The following ACSS1 variants were observed in gnomAD, a reference collection of about 807,000 sequenced individuals.
The protein encoded by ACSS1 is acetyl-coenzyme A synthetase 2-like, mitochondrial.
Under a neutral mutation model 75.3 loss-of-function variants are expected in ACSS1, and 42 were observed. That is an observed-to-expected ratio of 0.56 (90% CI 0.44 to 0.72). ACSS1 has a LOEUF of 0.72. Among genes scored for constraint, ACSS1 ranks in the 30% least tolerant of loss-of-function variants. The pLI, the probability that ACSS1 is intolerant of heterozygous loss-of-function variation, is 0.00. For missense variants in ACSS1, 782 were observed against 935.7 expected (o/e 0.84, Z 2.14); for synonymous variants, 380 against 376.8 (o/e 1.01, Z -0.10).
intron 2 of ACSS1, among the ~76,000 whole-genome samples, chr20:25,040,631 T>G (rs1421117861): frequency 2.0e-5 from 3 of 152,228 alleles, no homozygotes; most frequent in African/African-American, 7.2e-5. Context: ...GTGATCATGG[T>G]GCAAATATTT....
chr20:25,056,699 T>C (rs892233711), intron 1 of ACSS1, among the ~76,000 whole-genome samples: 21 of 151,302 alleles, frequency 1.4e-4, no homozygotes, highest in Admixed American at 2.0e-4. Context: ...GAGGGAGGAG[T>C]TGGAGAAAAT....
At chr20:25,019,208 G>C (rs1317913780) in intron 7 of ACSS1, among the ~76,000 whole-genome samples, 1 of 152,232 alleles carries the variant, frequency 6.6e-6, no homozygotes, top group Non-Finnish European at 1.5e-5. Flanking sequence ...CACACGTCAA[G>C]GCAGACATGA....
intron 3 of ACSS1, among the ~76,000 whole-genome samples, chr20:25,026,260 T>C (rs933919267): frequency 2.0e-5 from 3 of 152,116 alleles, no homozygotes; most frequent in South Asian, 2.1e-4. Flanking sequence ...CTGCACATTC[T>C]TTCACCTGCT....
Position 25,012,661 on chromosome 20 carries a change from C to T in ACSS1, c.1711G>A (p.Asp571Asn), listed in dbSNP as rs1212329188. ...GTAEIEDAIA[D>N]HPAVPESAVI... is the part of the protein sequence containing the mutation. Reference sequence around the variant, plus strand: ...GCACTTTCTGGTACTGCAGGGTGGTCGGCCTGTGTACAACAGAGAACAAAA... The same window carrying T: ...GCACTTTCTGGTACTGCAGGGTGGTTGGCCTGTGTACAACAGAGAACAAAA... The change falls in exon 12 of 14, where the codon GAC (aspartate) becomes AAC (asparagine). Residue 571 changes from aspartate to asparagine, a missense_variant. This residue lies in a region of ACSS1 where 405 missense variants were observed against 552.6 expected (regional missense o/e 0.73). Coordinates refer to ENST00000323482, the MANE Select transcript of ACSS1 (RefSeq NM_032501.4). 6 of 1,613,958 alleles carry T rather than the reference C, an allele frequency of 3.7e-6. No homozygotes were observed. The highest frequency in any genetic ancestry group is 1.6e-4 in the Middle Eastern group (1 of 6,082).
At chr20:25,032,429 C>T (rs953834207) in intron 2 of ACSS1, 15 of 1,389,202 alleles carry the variant, frequency 1.1e-5, no homozygotes, top group African/African-American at 1.0e-4. Context: ...TTCCTTTCGG[C>T]GCCTCATCCC....
intron 1 of ACSS1, among the ~76,000 whole-genome samples, chr20:25,052,510 A>G (rs918407507): frequency 6.6e-6 from 1 of 152,218 alleles, no homozygotes; most frequent in Non-Finnish European, 1.5e-5. Flanking sequence ...CTGTGTCCCT[A>G]AGATTCCTTT....
intron 2 of ACSS1, among the ~76,000 whole-genome samples, chr20:25,038,337 C>A (rs1328405431): frequency 1.3e-5 from 2 of 152,180 alleles, no homozygotes; most frequent in Non-Finnish European, 2.9e-5. Context: ...ACCACTGGGG[C>A]CTGAACTGTC....
At chr20:25,040,435 T>G (rs1360384002) in intron 2 of ACSS1, among the ~76,000 whole-genome samples, 1 of 152,098 alleles carries the variant, frequency 6.6e-6, no homozygotes, top group Non-Finnish European at 1.5e-5. Context: ...GCCACACAGG[T>G]GGAAATCCAG....
At position 25,006,956 on chromosome 20, in the gene ACSS1, G is replaced by T; in HGVS notation, c.*806C>A. The T allele has an allele frequency of 6.5e-7, 1 of 1,534,964 alleles. No individual in the cohort carries two copies. The highest frequency in any genetic ancestry group is 8.7e-7 in the Non-Finnish European group (1 of 1,146,562). ...CTCTCCTATCAAGAGGCATCTGGGGGCACAAAAATCTTTCTGGATCACAGC... is the reference window on the plus strand; with the variant it reads ...CTCTCCTATCAAGAGGCATCTGGGGTCACAAAAATCTTTCTGGATCACAGC... On this transcript the variant is annotated 3_prime_UTR_variant, in exon 14 of 14. Transcript: ENST00000323482.
chr20:25,013,550 A>C lies in ACSS1; in HGVS notation c.1565T>G (p.Phe522Cys), dbSNP rs2088455912. The change falls in exon 10 of 14, where the codon TTC becomes TGC. Residue 522 changes from phenylalanine (F) to cysteine (C), a missense_variant. Phe to Cys is a radical substitution (Grantham distance 205, BLOSUM62 -2). Around this residue, in one of 2 missense-constraint regions of ACSS1, gnomAD observed 405 missense variants for 552.6 expected, o/e 0.73. Transcript: ENST00000323482. Reference sequence around the variant, plus strand: ...AGCCTGCTCACCTGGGTAGGCCTTGAAGTAGGCGTCCACAAATCGCTGGTG... The same window carrying C: ...AGCCTGCTCACCTGGGTAGGCCTTGCAGTAGGCGTCCACAAATCGCTGGTG... ...GDHQRFVDAY[F>C]KAYPGYYFTG... The C allele has an allele frequency of 6.2e-7, 1 of 1,601,342 alleles. No individual in the cohort carries two copies. Among genetic ancestry groups the C allele is most frequent in the Non-Finnish European group, 8.6e-7 (1 of 1,169,504 alleles).
In ACSS1 at chr20:25,007,280, C is replaced by T. The variant is rs1158421176; in HGVS notation, c.*482G>A. The stretch of plus-strand genomic sequence containing the variant: ...AACTACATGTTAAAAAGAACATGTT[C>T]AAGTAAATCCACACACTACATGTGA... On this transcript the variant is annotated 3_prime_UTR_variant, in exon 14 of 14. Coordinates refer to ENST00000323482, the MANE Select transcript of ACSS1 (RefSeq NM_032501.4). The T allele has an allele frequency of 2.7e-6, 3 of 1,121,612 alleles. No individual in the cohort carries two copies. Among genetic ancestry groups the T allele is most frequent in the East Asian group, 5.8e-5 (1 of 17,312 alleles). The allele number at this position is 1,121,612 out of a possible 1,614,324, so 69.5% of individuals were successfully genotyped here.
At chr20:25,015,111 C>G in intron 8 of ACSS1, 27 bp downstream of exon 8, 2 of 1,590,604 alleles carry the variant, frequency 1.3e-6, no homozygotes, top group African/African-American at 1.3e-5. Context: ...GCACTTAGAC[C>G]GGAACCTGTT....
intron 1 of ACSS1, among the ~76,000 whole-genome samples, chr20:25,052,237 TA>T (rs902450979): frequency 5.3e-4 from 81 of 151,444 alleles, no homozygotes; most frequent in African/African-American, 1.1e-3. Flanking sequence ...AAAGAAAGTT[TA>T]AAAAAAAATC....
chr20:25,047,870 A>G (rs1469915950), intron 2 of ACSS1, among the ~76,000 whole-genome samples: 1 of 152,188 alleles, frequency 6.6e-6, no homozygotes, highest in Admixed American at 6.5e-5. Context: ...TCCCATCCTC[A>G]CAAGGCGCTG....
Position 25,032,687 on chromosome 20 carries a change from G to T in ACSS1, c.432-1729C>A, listed in dbSNP as rs1243224782. Reference sequence around the variant, plus strand: ...TTTGCATAGCTCTCCTCTGTTCAAAGGGTAGTCAAGGAAAGGGCTCCCGAG... The same window carrying T: ...TTTGCATAGCTCTCCTCTGTTCAAATGGTAGTCAAGGAAAGGGCTCCCGAG... On this transcript the variant is annotated intron_variant, in intron 2 of 13. Transcript: ENST00000323482. 16 of 1,190,228 alleles carry T rather than the reference G, an allele frequency of 1.3e-5. No individual in the cohort carries two copies. In the East Asian group the frequency reaches 5.7e-4, roughly 42 times the overall value. 73.7% of individuals were successfully genotyped at this position (1,190,228 alleles called of 1,614,324 possible).
intron 2 of ACSS1, among the ~76,000 whole-genome samples, chr20:25,038,933 G>A (rs1393154957): frequency 1.3e-5 from 2 of 152,138 alleles, no homozygotes; most frequent in African/African-American, 2.4e-5. Context: ...GCCAGCACAG[G>A]AAACCTCCTC....
At chr20:25,038,834 C>T (rs1166685369) in intron 2 of ACSS1, among the ~76,000 whole-genome samples, 1 of 152,184 alleles carries the variant, frequency 6.6e-6, no homozygotes, top group East Asian at 1.9e-4. Context: ...CCCACATGCT[C>T]TGCACAGCCT....
chr20:25,057,755 C>T lies in ACSS1; in HGVS notation c.334+14G>A, dbSNP rs1568854193. 1.9e-6 allele frequency: 3 copies of T among 1,545,730 alleles called. No homozygotes were observed. Among genetic ancestry groups the T allele is most frequent in the Non-Finnish European group, 2.6e-6 (3 of 1,134,856 alleles). ...AGAGTTGGGGGCGTCCTGGGTCTCCCGAAGCCCACTCACCAGAGACATTTA... is the reference window on the plus strand; with the variant it reads ...AGAGTTGGGGGCGTCCTGGGTCTCCTGAAGCCCACTCACCAGAGACATTTA... On this transcript the variant is annotated intron_variant, in intron 1 of 13. Coordinates refer to ENST00000323482, the MANE Select transcript of ACSS1 (RefSeq NM_032501.4).
intron 2 of ACSS1, chr20:25,032,746 C>T (rs947985337): frequency 9.3e-7 from 1 of 1,069,628 alleles, no homozygotes; most frequent in African/African-American, 1.7e-5. Context: ...CCCGGGAAAC[C>T]ACAGCAGAAT....
Sources: allele counts gnomAD v4.1 joint callset (sites outside exome capture counted in the v4.1 genomes callset), GRCh38; gene constraint gnomAD v4.1.1; regional missense constraint gnomAD v4.1.1; transcripts MANE v1.5; gene names NCBI Gene and HGNC (gene_info 2026-07-23, HGNC 2026-07-21).